The following KIAA1217 variants were observed in gnomAD, a reference collection of about 807,000 sequenced individuals.
KIAA1217 encodes the protein KIAA1217, also known as sickle tail protein homolog.
Under a neutral mutation model 163.9 loss-of-function variants are expected in KIAA1217, and 88 were observed. That is an observed-to-expected ratio of 0.54 (90% CI 0.45 to 0.64). KIAA1217 has a LOEUF of 0.64. Among genes scored for constraint, KIAA1217 ranks in the 30% least tolerant of loss-of-function variants. The probability of loss-of-function intolerance (pLI) is 0.00; values close to 1 mark genes in which losing one functional copy is unlikely to be tolerated. For synonymous variants in KIAA1217, 903 were observed against 923.1 expected, an observed-to-expected ratio of 0.98 and a Z score of 0.39; for missense variants, 2,372 against 2,475.0, an observed-to-expected ratio of 0.96 and a Z score of 0.88.
chr10:23,941,430 GT>G (rs1843760908), intron 1 of KIAA1217, among the ~76,000 whole-genome samples: 1 of 152,132 alleles, frequency 6.6e-6, no homozygotes, highest in Non-Finnish European at 1.5e-5. Flanking sequence ...ACTGGAGGAG[GT>G]TTGACCCTGG....
intron 1 of KIAA1217, among the ~76,000 whole-genome samples, chr10:23,999,469 C>T (rs959561428): frequency 3.3e-5 from 5 of 152,178 alleles, no homozygotes; most frequent in Non-Finnish European, 5.9e-5. Context: ...ACTGCTACTT[C>T]TACCCTTCGC....
chr10:23,826,657 C>T (rs1303914719), intron 1 of KIAA1217, among the ~76,000 whole-genome samples: 1 of 152,138 alleles, frequency 6.6e-6, no homozygotes, highest in Non-Finnish European at 1.5e-5. Context: ...CCAGGGTGTC[C>T]CTTCCATGCT....
At chr10:24,410,380 T>C (rs1170508346) in intron 3 of KIAA1217, among the ~76,000 whole-genome samples, 1 of 152,222 alleles carries the variant, frequency 6.6e-6, no homozygotes, top group African/African-American at 2.4e-5. Context: ...AAAACTGTTT[T>C]GAAAACAGAG....
At chr10:23,743,945 A>T (rs1839262146) in intron 1 of KIAA1217, among the ~76,000 whole-genome samples, 1 of 152,154 alleles carries the variant, frequency 6.6e-6, no homozygotes, top group South Asian at 2.1e-4. Flanking sequence ...GGGAGTAGTT[A>T]ATGTTTCCTG....
At chr10:24,078,821 C>T (rs113179367) in intron 2 of KIAA1217, among the ~76,000 whole-genome samples, 1 of 152,104 alleles carries the variant, frequency 6.6e-6, no homozygotes, top group Admixed American at 6.6e-5. Context: ...CCTTCTGTGG[C>T]CCGTCTGTTC....
At chr10:23,959,473 C>T (rs1381706617) in intron 1 of KIAA1217, among the ~76,000 whole-genome samples, 3 of 152,174 alleles carry the variant, frequency 2.0e-5, no homozygotes, top group African/African-American at 7.2e-5. Flanking sequence ...CAGTGAGTGC[C>T]ACTGCACTTC....
At chr10:23,923,126 A>C (rs954776438) in intron 1 of KIAA1217, among the ~76,000 whole-genome samples, 1 of 152,044 alleles carries the variant, frequency 6.6e-6, no homozygotes, top group Admixed American at 6.5e-5. Context: ...CCCAAAGTCC[A>C]TTGTATCATT....
At position 24,473,471 on chromosome 10, in the gene KIAA1217, C is replaced by T. The variant is rs1401746959; in HGVS notation, c.1090C>T (p.Pro364Ser). The T allele has an allele frequency of 6.2e-7, 1 of 1,614,168 alleles. No individual in the cohort carries two copies. The highest frequency in any genetic ancestry group is 1.7e-5 in the Admixed American group (1 of 60,028). ...AGTCTCCAGACCCATCTCTCCAAGC[C>T]CAAGCGCCATTTTAGAAAGAAGAGA... ...LPVSRPISPS[P>S]SAILERRDVK... The change falls in exon 6 of 21, where the codon CCA (proline) becomes TCA (serine). Residue 364 changes from proline (P) to serine (S), a missense_variant. By Grantham distance (74) the Pro-to-Ser change is moderately conservative. Around this residue, in one of 3 missense-constraint regions of KIAA1217, gnomAD observed 1,431 missense variants for 1,470.3 expected, o/e 0.97. Coordinates refer to ENST00000376454, the MANE Select transcript of KIAA1217 (RefSeq NM_019590.5).
In KIAA1217 at chr10:24,432,969, C is replaced by CT. The variant is rs775616858; in HGVS notation, c.554-25dup. ...GTGTCCCCTGAGTCTTGACCTGTGA[C>CT]TAATAACTGTTTCCTTTGTGTGCAG... is the stretch of plus-strand genomic sequence containing the variant. On this transcript the variant is annotated intron_variant, in intron 3 of 20. Transcript: ENST00000376454. 8 of 1,602,422 alleles carry CT rather than the reference C, an allele frequency of 5.0e-6. No homozygotes were observed. In the African/African-American group the frequency reaches 6.7e-5, roughly 13 times the overall value.
chr10:24,519,151 G>C (rs1202788682), intron 10 of KIAA1217, among the ~76,000 whole-genome samples: 1 of 152,110 alleles, frequency 6.6e-6, no homozygotes, highest in Admixed American at 6.6e-5. Flanking sequence ...TCCACAATCC[G>C]GGCTCCAGGA....
chr10:23,802,732 G>A (rs1469476495), intron 1 of KIAA1217, among the ~76,000 whole-genome samples: 3 of 152,176 alleles, frequency 2.0e-5, no homozygotes, highest in African/African-American at 7.2e-5. Context: ...GTAATGTGAA[G>A]TCATTGGGTT....
At chr10:24,066,746 T>C (rs1022944547) in intron 2 of KIAA1217, among the ~76,000 whole-genome samples, 4 of 152,228 alleles carry the variant, frequency 2.6e-5, no homozygotes, top group African/African-American at 9.6e-5. Flanking sequence ...GTTTTCCAAC[T>C]TGGTTCCATT....
At chr10:23,990,892 G>C (rs1325403023) in intron 1 of KIAA1217, among the ~76,000 whole-genome samples, 1 of 152,180 alleles carries the variant, frequency 6.6e-6, no homozygotes, top group Non-Finnish European at 1.5e-5. Context: ...TAGAATTTTA[G>C]AGGTAGAAAG....
chr10:24,527,325 C>T (rs1156869861), intron 13 of KIAA1217, among the ~76,000 whole-genome samples: 5 of 147,306 alleles, frequency 3.4e-5, no homozygotes, highest in Non-Finnish European at 7.5e-5. Context: ...TTAGGCTGGG[C>T]ATGGTGGCTC....
intron 2 of KIAA1217, among the ~76,000 whole-genome samples, chr10:24,014,197 G>A (rs912706503): frequency 2.6e-5 from 4 of 152,056 alleles, no homozygotes; most frequent in African/African-American, 9.7e-5. Context: ...TGGATAAATA[G>A]TATCTGTAGA....
intron 2 of KIAA1217, among the ~76,000 whole-genome samples, chr10:24,162,005 A>T (rs186435468): frequency 6.6e-6 from 1 of 152,342 alleles, no homozygotes; most frequent in African/African-American, 2.4e-5. Flanking sequence ...CAGAAAAACA[A>T]AGGAGGTATA....
chr10:24,468,602 T>C (rs951713227), intron 5 of KIAA1217, among the ~76,000 whole-genome samples: 3 of 152,196 alleles, frequency 2.0e-5, no homozygotes, highest in Admixed American at 6.5e-5. Context: ...GTGACCCTTT[T>C]GGATGATGGC....
chr10:23,969,615 T>C (rs1414302450), intron 1 of KIAA1217, among the ~76,000 whole-genome samples: 1 of 152,246 alleles, frequency 6.6e-6, no homozygotes, highest in Admixed American at 6.5e-5. Context: ...TTTTGCTCAT[T>C]TTTAATTGGT....
At chr10:23,763,920 C>T (rs117658812) in intron 1 of KIAA1217, among the ~76,000 whole-genome samples, 4 of 151,982 alleles carry the variant, frequency 2.6e-5, no homozygotes, top group African/African-American at 9.6e-5. Context: ...TTTAAAAAAG[C>T]CAAAAGCAAT....
Sources: allele counts gnomAD v4.1 joint callset (sites outside exome capture counted in the v4.1 genomes callset), GRCh38; gene constraint gnomAD v4.1.1; regional missense constraint gnomAD v4.1.1; transcripts MANE v1.5; gene names NCBI Gene and HGNC (gene_info 2026-07-23, HGNC 2026-07-21).